The following BTBD16 variants were observed in gnomAD, a reference collection of about 807,000 sequenced individuals.
BTBD16 encodes the protein BTB/POZ domain-containing protein 16.
BTBD16 carries 66 observed loss-of-function variants against 67.4 expected under a neutral mutation model. The ratio of observed to expected loss-of-function variants is 0.98; its 90% CI spans 0.80 to 1.20. The LOEUF (loss-of-function observed/expected upper bound fraction) is 1.20, where lower values mean the gene tolerates loss of function less well. Among genes scored for constraint, BTBD16 ranks in the 50% most tolerant of loss-of-function variants. BTBD16 has a pLI of 0.00. For missense variants in BTBD16, 634 were observed against 616.0 expected (o/e 1.03, Z -0.31); for synonymous variants, 242 against 236.4 (o/e 1.02, Z -0.22).
At chr10:122,324,298 C>A (rs921053795) in intron 10 of BTBD16, among the ~76,000 whole-genome samples, 1 of 152,216 alleles carries the variant, frequency 6.6e-6, no homozygotes, top group African/African-American at 2.4e-5. Context: ...ACCCATTCCC[C>A]CCACATACTA....
intron 3 of BTBD16, among the ~76,000 whole-genome samples, chr10:122,282,120 C>G (rs1014429711): frequency 3.9e-5 from 6 of 152,216 alleles, no homozygotes; most frequent in Non-Finnish European, 8.8e-5. Context: ...ACCTCTGTTT[C>G]CCGGCATCCC....
At chr10:122,286,883 CT>C (rs1236643689) in intron 5 of BTBD16, among the ~76,000 whole-genome samples, 1 of 152,188 alleles carries the variant, frequency 6.6e-6, no homozygotes, top group Admixed American at 6.5e-5. Flanking sequence ...CCAGCTGCTG[CT>C]TTGGGCTACA....
At chr10:122,328,870 G>A in intron 10 of BTBD16, 3 of 972,630 alleles carry the variant, frequency 3.1e-6, no homozygotes, top group South Asian at 9.5e-5. Flanking sequence ...GTTAACTGGA[G>A]CTTGGTATTA....
chr10:122,274,755 T>C (rs1163500884), intron 1 of BTBD16, among the ~76,000 whole-genome samples: 2 of 152,214 alleles, frequency 1.3e-5, no homozygotes, highest in Non-Finnish European at 2.9e-5. Context: ...TCTTTTGGTC[T>C]TCCTCACTTT....
At chr10:122,298,929 TAGTGTCGTCTCAG>T (rs2096388615) in intron 8 of BTBD16, 62 bp from the exon 9 acceptor site, 2 of 1,581,502 alleles carry the variant, frequency 1.3e-6, no homozygotes, top group South Asian at 2.3e-5. Flanking sequence ...AGCACACGTG[TAGTGTCGTCTCAG>T]GCCAGCAGAG....
chr10:122,303,687 A>AT (rs922473590), intron 9 of BTBD16: 8 of 891,634 alleles, frequency 9.0e-6, no homozygotes, highest in African/African-American at 3.6e-5. Flanking sequence ...TATGAAAAGC[A>AT]TTTTTTTCCC....
intron 1 of BTBD16, among the ~76,000 whole-genome samples, chr10:122,272,486 C>T (rs1391210475): frequency 6.6e-6 from 1 of 152,176 alleles, no homozygotes; most frequent in African/African-American, 2.4e-5. Flanking sequence ...GGATTACAGG[C>T]ATGCGCCACC....
At chr10:122,309,770 G>A (rs1224558731) in intron 10 of BTBD16, among the ~76,000 whole-genome samples, 2 of 132,594 alleles carry the variant, frequency 1.5e-5, no homozygotes. Context: ...ACTGTGCTGA[G>A]TACATTTTTT....
chr10:122,294,197 G>T, intron 7 of BTBD16: 1 of 985,432 alleles, frequency 1.0e-6, no homozygotes, highest in South Asian at 4.7e-5. Context: ...GGCTGATGGC[G>T]CAGTTGGCAG....
chr10:122,279,105 G>T (rs761599963), intron 3 of BTBD16, among the ~76,000 whole-genome samples: 2 of 152,208 alleles, frequency 1.3e-5, no homozygotes, highest in Non-Finnish European at 2.9e-5. Context: ...GAGGCAAAAG[G>T]TTTGGACAGA....
chr10:122,307,257 A>G lies in BTBD16; in HGVS notation c.860A>G (p.Tyr287Cys). Reference protein sequence around the residue: ...MLLWVFLQLNYKIQAIPTYET... With the variant: ...MLLWVFLQLNCKIQAIPTYET... ...TTGTGGGTCTTCTTGCAACTGAACT[A>G]CAAGATTCAGGCAATTCCGACTTAT... The change falls in exon 10 of 16, where the codon TAC becomes TGC. Residue 287 changes from tyrosine to cysteine, a missense_variant. Coordinates refer to ENST00000260723, the MANE Select transcript of BTBD16 (RefSeq NM_144587.5). 1 of 1,610,766 alleles carries G rather than the reference A, an allele frequency of 6.2e-7. No individual in the cohort carries two copies. The highest frequency in any genetic ancestry group is 8.5e-7 in the Non-Finnish European group (1 of 1,179,066).
chr10:122,284,677 T>C (rs1400408656), intron 4 of BTBD16, among the ~76,000 whole-genome samples: 3 of 61,114 alleles, frequency 4.9e-5, no homozygotes, highest in African/African-American at 3.3e-4. Flanking sequence ...AAGTGGATTT[T>C]TTTTTTTTTT....
At chr10:122,318,658 T>TCACTGAGG (rs1184539372) in intron 10 of BTBD16, among the ~76,000 whole-genome samples, 10 of 152,348 alleles carry the variant, frequency 6.6e-5, no homozygotes, top group African/African-American at 2.2e-4. Flanking sequence ...TGATCTTGGC[T>TCACTGAGG]CACTGCAACC....
intron 3 of BTBD16, among the ~76,000 whole-genome samples, chr10:122,281,396 A>G: frequency 6.6e-6 from 1 of 151,684 alleles, no homozygotes; most frequent in South Asian, 2.1e-4. Flanking sequence ...TTGTTTTTTT[A>G]AAGAGATTTA....
intron 9 of BTBD16, among the ~76,000 whole-genome samples, chr10:122,299,937 C>A (rs925921529): frequency 6.6e-6 from 1 of 152,032 alleles, no homozygotes; most frequent in Non-Finnish European, 1.5e-5. Flanking sequence ...AGCCACGGGG[C>A]CCCCCCTGAA....
chr10:122,288,746 T>C (rs1009209605), intron 5 of BTBD16, among the ~76,000 whole-genome samples: 11 of 151,858 alleles, frequency 7.2e-5, no homozygotes, highest in Non-Finnish European at 5.9e-5. Context: ...TACCTTACAT[T>C]TGGGGTCAGG....
At chr10:122,284,462 G>T (rs1378741907) in intron 4 of BTBD16, among the ~76,000 whole-genome samples, 1 of 148,946 alleles carries the variant, frequency 6.7e-6, no homozygotes, top group African/African-American at 2.5e-5. Context: ...AAAAAAAAAA[G>T]TAGTCTTTGT....
At chr10:122,279,443 G>A (rs900440471) in intron 3 of BTBD16, among the ~76,000 whole-genome samples, 2 of 150,484 alleles carry the variant, frequency 1.3e-5, no homozygotes, top group African/African-American at 2.4e-5. Context: ...TGATTGTGCC[G>A]TTTCACTCCA....
intron 3 of BTBD16, among the ~76,000 whole-genome samples, chr10:122,279,432 A>G (rs922405635): frequency 2.0e-5 from 3 of 151,520 alleles, no homozygotes; most frequent in African/African-American, 7.3e-5. Flanking sequence ...GCAGTGACCT[A>G]TGATTGTGCC....
Sources: allele counts gnomAD v4.1 joint callset (sites outside exome capture counted in the v4.1 genomes callset), GRCh38; gene constraint gnomAD v4.1.1; transcripts MANE v1.5; gene names NCBI Gene and HGNC (gene_info 2026-07-23, HGNC 2026-07-21).